The following CPS1 variants were observed in gnomAD, a reference collection of about 807,000 sequenced individuals.
CPS1 encodes the protein carbamoyl-phosphate synthase [ammonia], mitochondrial.
CPS1 carries 109 observed loss-of-function variants against 174.6 expected under a neutral mutation model. That is an observed-to-expected ratio of 0.62 (90% CI 0.53 to 0.73). The LOEUF (loss-of-function observed/expected upper bound fraction) is 0.73. Ranked by LOEUF, CPS1 falls within the 30% of genes least tolerant of loss-of-function variation. CPS1 has a pLI of 0.00. For synonymous variants in CPS1, 637 were observed against 632.0 expected (o/e 1.01, Z -0.12); for missense variants, 1,689 against 1,821.9 (o/e 0.93, Z 1.33).
At chr2:210,554,087 GTATATGTA>G (rs1696804742), upstream of CPS1, among the ~76,000 whole-genome samples, 1 of 143,192 alleles carries the variant, frequency 7.0e-6, no homozygotes, top group African/African-American at 2.6e-5. Context: ...ACATACATAT[GTATATGTA>G]TGTATATACA....
At chr2:210,647,051 A>C (rs1190711220) in intron 25 of CPS1, among the ~76,000 whole-genome samples, 1 of 152,160 alleles carries the variant, frequency 6.6e-6, no homozygotes, top group Non-Finnish European at 1.5e-5. Context: ...TAAAGCAAGT[A>C]GTGAGGCAGT....
chr2:210,575,786 A>G (rs1697678578), intron 2 of CPS1, among the ~76,000 whole-genome samples: 1 of 152,118 alleles, frequency 6.6e-6, no homozygotes, highest in Non-Finnish European at 1.5e-5. Flanking sequence ...ATTCTTTCAT[A>G]TAAATTAACT....
At chr2:210,593,771 GT>G in intron 11 of CPS1, 1 of 617,882 alleles carries the variant, frequency 1.6e-6, no homozygotes, top group Non-Finnish European at 2.0e-6. Flanking sequence ...TTTTGTTCTT[GT>G]TTTAATATTA....
chr2:210,600,442 C>T, intron 14 of CPS1, 113 bp from the exon 15 acceptor site: 2 of 1,010,364 alleles, frequency 2.0e-6, no homozygotes, highest in Non-Finnish European at 3.0e-6. Context: ...CTATTGTAGA[C>T]AGTGGTAACT....
chr2:210,554,014 C>T (rs1696797320), upstream of CPS1, among the ~76,000 whole-genome samples: 1 of 150,462 alleles, frequency 6.6e-6, no homozygotes, highest in African/African-American at 2.4e-5. Flanking sequence ...TCCAAAATTT[C>T]TGCCTTCTCC....
At chr2:210,660,455 T>G (rs1255427600) in intron 31 of CPS1, 30 bp from the exon 32 acceptor site, 3 of 1,609,298 alleles carry the variant, frequency 1.9e-6, no homozygotes, top group Non-Finnish European at 2.6e-6. Context: ...CTCAATGTCC[T>G]CTTTCTCATT....
chr2:210,665,406 T>C (rs1283802495), intron 33 of CPS1, among the ~76,000 whole-genome samples: 2 of 151,508 alleles, frequency 1.3e-5, no homozygotes, highest in Non-Finnish European at 2.9e-5. Context: ...ACATGTGCCA[T>C]GCTGGTGTGC....
chr2:210,560,002 T>G (rs1252566340), intron 1 of CPS1, among the ~76,000 whole-genome samples: 2 of 152,146 alleles, frequency 1.3e-5, no homozygotes, highest in African/African-American at 4.8e-5. Context: ...CTTATGTTTT[T>G]TATGGACTAC....
chr2:210,677,896 C>T lies in CPS1; in HGVS notation c.4414C>T (p.Leu1472Phe), dbSNP rs767806428. ...PLLTNFQVTK[L>F]FAEAVQKSRK... ...ACCATTATATTTTCAGGTGACCAAACTTTTTGCTGAAGCTGTGCAGAAATC... is the reference window on the plus strand; with the variant it reads ...ACCATTATATTTTCAGGTGACCAAATTTTTTGCTGAAGCTGTGCAGAAATC... The change falls in exon 38 of 38, where the codon CTT becomes TTT. Residue 1472 changes from leucine to phenylalanine, a missense_variant. Leu to Phe is a conservative substitution (Grantham distance 22, BLOSUM62 0). Coordinates refer to ENST00000233072, the MANE Select transcript of CPS1 (RefSeq NM_001875.5). 5.0e-6 allele frequency: 8 copies of T among 1,613,702 alleles called. No individual in the cohort carries two copies. The East Asian group carries it at 1.8e-4, about 36-fold the overall frequency.
intron 1 of CPS1, among the ~76,000 whole-genome samples, chr2:210,484,766 C>A (rs1694670591): frequency 6.6e-6 from 1 of 152,130 alleles, no homozygotes; most frequent in African/African-American, 2.4e-5. Flanking sequence ...CTATAAACCC[C>A]CCTAATTTTA....
chr2:210,655,299 G>T (rs755449951), intron 29 of CPS1, among the ~76,000 whole-genome samples: 3 of 152,158 alleles, frequency 2.0e-5, no homozygotes, highest in Non-Finnish European at 4.4e-5. Context: ...TTCAAATACT[G>T]TACTGGTAAA....
At chr2:210,479,381 T>C (rs1460860212) in intron 1 of CPS1, among the ~76,000 whole-genome samples, 1 of 149,132 alleles carries the variant, frequency 6.7e-6, no homozygotes, top group Non-Finnish European at 1.5e-5. Context: ...CAGGCTGGAG[T>C]GCAGTGGCAC....
Position 210,556,835 on chromosome 2 carries a change from T to C in CPS1, c.102T>C (p.Pro34=). 2.5e-6 allele frequency: 4 copies of C among 1,613,110 alleles called. No homozygotes were observed. The highest frequency in any genetic ancestry group is 3.4e-6 in the Non-Finnish European group (4 of 1,179,320). The part of the protein sequence containing the change: ...TAHQKWKFSR[P]GIRLLSVKAQ... ...ACCAAAAATGGAAATTTTCAAGACC[T>C]GGCATCAGGCTCCTTTCTGTCAAGG... Residue 34 remains proline (P), a synonymous_variant, in exon 1 of 38, where the codon CCT becomes CCC. Transcript: ENST00000233072.
Position 210,647,925 on chromosome 2 carries a change from A to C in CPS1, c.3204A>C (p.Leu1068=), listed in dbSNP as rs766909251. 8.7e-6 allele frequency: 14 copies of C among 1,614,066 alleles called. No individual in the cohort carries two copies. Among genetic ancestry groups the C allele is most frequent in the Non-Finnish European group, 1.1e-5 (13 of 1,179,952 alleles). ...TTCCAAACAACCTGGCAGTTCCTCT[A>C]TACAAGAATGGTGTCAAGATCATGG... ...GQIPNNLAVP[L]YKNGVKIMGT... The change falls in exon 26 of 38, where the codon CTA becomes CTC. Residue 1068 remains leucine (L), a synonymous_variant. Coordinates refer to ENST00000233072, the MANE Select transcript of CPS1 (RefSeq NM_001875.5).
intron 25 of CPS1, among the ~76,000 whole-genome samples, chr2:210,643,235 C>T (rs1380893732): frequency 1.3e-5 from 2 of 152,134 alleles, no homozygotes; most frequent in Non-Finnish European, 2.9e-5. Context: ...TTCCTCCATT[C>T]CCATCCCAAT....
chr2:210,639,591 C>T (rs13409263), intron 23 of CPS1, among the ~76,000 whole-genome samples: 1 of 138,162 alleles, frequency 7.2e-6, no homozygotes, highest in Admixed American at 7.6e-5. Context: ...CGCAGTCCGG[C>T]CTGGGCGACA....
At chr2:210,637,953 A>T in intron 22 of CPS1, 110 bp downstream of exon 22, 1 of 1,229,852 alleles carries the variant, frequency 8.1e-7, no homozygotes, top group Non-Finnish European at 1.2e-6. Flanking sequence ...GGAATTAAGA[A>T]GTGACAATAC....
At chr2:210,622,543 G>A (rs138747877) in intron 21 of CPS1, among the ~76,000 whole-genome samples, 7 of 151,762 alleles carry the variant, frequency 4.6e-5, no homozygotes, top group African/African-American at 1.7e-4. Flanking sequence ...TCCTATCATG[G>A]TAGAATCAGC....
chr2:210,658,242 T>C (rs1222136729), intron 30 of CPS1: 5 of 309,356 alleles, frequency 1.6e-5, no homozygotes, highest in East Asian at 8.3e-5. Context: ...GGTCATTACA[T>C]TGATATAGAG....
Sources: gnomAD v4.1 joint callset for allele counts (sites outside exome capture counted in the v4.1 genomes callset) on GRCh38, gnomAD v4.1.1 for gene constraint, MANE v1.5 for transcripts, NCBI Gene and HGNC (gene_info 2026-07-23, HGNC 2026-07-21) for gene names.